The following WWOX variants were observed in gnomAD, a reference collection of about 807,000 sequenced individuals.
WWOX encodes the protein WW domain-containing oxidoreductase.
Under a neutral mutation model 46.2 loss-of-function variants are expected in WWOX, and 69 were observed. That is an observed-to-expected ratio of 1.49 (90% CI 1.23 to 1.82). The LOEUF is 1.82. Ranked by LOEUF, WWOX falls within the 40% of genes most tolerant of loss-of-function variation. The pLI, the probability that WWOX is intolerant of heterozygous loss-of-function variation, is 0.00. For synonymous variants in WWOX, 359 were observed against 202.6 expected (o/e 1.77, Z -6.56); for missense variants, 919 against 542.6 (o/e 1.69, Z -6.89).
intron 8 of WWOX, among the ~76,000 whole-genome samples, chr16:78,742,665 A>T (rs899857780): frequency 1.3e-5 from 2 of 152,144 alleles, no homozygotes; most frequent in African/African-American, 4.8e-5. Context: ...AAAACTGTTT[A>T]TGTCTGCGGA....
intron 8 of WWOX, among the ~76,000 whole-genome samples, chr16:79,116,273 G>C (rs2049514229): frequency 6.6e-6 from 1 of 152,126 alleles, no homozygotes; most frequent in Non-Finnish European, 1.5e-5. Context: ...TTGCTGCATG[G>C]ATTGACTCTT....
intron 8 of WWOX, among the ~76,000 whole-genome samples, chr16:78,651,192 A>G (rs868868364): frequency 1.3e-5 from 2 of 152,256 alleles, no homozygotes; most frequent in Non-Finnish European, 1.5e-5. Context: ...GCACCACTGT[A>G]CAGCATCTTT....
At chr16:78,232,574 G>A (rs1455309249) in intron 5 of WWOX, among the ~76,000 whole-genome samples, 1 of 152,138 alleles carries the variant, frequency 6.6e-6, no homozygotes, top group Non-Finnish European at 1.5e-5. Flanking sequence ...TACAGATTTT[G>A]GGTCAAGATA....
chr16:78,526,334 A>T (rs573101737), intron 8 of WWOX: 2 of 152,306 alleles, frequency 1.3e-5, no homozygotes, highest in African/African-American at 4.8e-5. Flanking sequence ...TCCAAGAGGA[A>T]ATGTGGTGCT....
chr16:78,242,106 C>T (rs756354144), intron 5 of WWOX, among the ~76,000 whole-genome samples: 2 of 152,158 alleles, frequency 1.3e-5, no homozygotes, highest in African/African-American at 2.4e-5. Context: ...TGAAGAATTG[C>T]GACGTCGGCC....
At position 79,207,785 on chromosome 16, in the gene WWOX, G is replaced by C. The variant is rs2051568553; in HGVS notation, c.1057-3823G>C. Among the ~76,000 whole-genome samples the C allele has an allele frequency of 6.3e-5, 6 of 95,678 alleles. No homozygotes were observed. In the South Asian group the frequency reaches 1.6e-3, roughly 26 times the overall value. The allele number at this position is 95,678 out of a possible 152,430, so 62.8% of individuals were successfully genotyped here. ...ATGCATTACAAATATCAATATGTGGGTGCTTTTTTTTTCTTTACCATATAT... is the reference window on the plus strand; with the variant it reads ...ATGCATTACAAATATCAATATGTGGCTGCTTTTTTTTTCTTTACCATATAT... On this transcript the variant is annotated intron_variant, in intron 8 of 8. Transcript: ENST00000566780.
chr16:79,133,458 A>G (rs2150700558), intron 8 of WWOX, among the ~76,000 whole-genome samples: 1 of 152,332 alleles, frequency 6.6e-6, no homozygotes, highest in Non-Finnish European at 1.5e-5. Context: ...CTTACACAGA[A>G]CGAGTACGGT....
rs528104261 is a variant in WWOX, at chr16:78,808,756, G to A, written c.1056+376004G>A. Among the ~76,000 whole-genome samples the A allele has an allele frequency of 1.2e-4, 18 of 152,244 alleles. No individual in the cohort carries two copies. In the South Asian group the frequency reaches 3.7e-3, roughly 32 times the overall value. Reference sequence around the variant, plus strand: ...ACGTCAAAGATGAGTAAATTGAGATGCGTAGGTTCTAATTTGCCCAGTGTC... The same window carrying A: ...ACGTCAAAGATGAGTAAATTGAGATACGTAGGTTCTAATTTGCCCAGTGTC... On this transcript the variant is annotated intron_variant, in intron 8 of 8. Coordinates refer to ENST00000566780, the MANE Select transcript of WWOX (RefSeq NM_016373.4).
chr16:78,709,670 A>C (rs1459618153), intron 8 of WWOX, among the ~76,000 whole-genome samples: 1 of 151,852 alleles, frequency 6.6e-6, no homozygotes, highest in Non-Finnish European at 1.5e-5. Flanking sequence ...TGTGATTCCA[A>C]GTCTGCTGAT....
intron 8 of WWOX, among the ~76,000 whole-genome samples, chr16:78,609,125 G>C (rs887265462): frequency 1.3e-5 from 2 of 152,140 alleles, no homozygotes; most frequent in South Asian, 4.1e-4. Flanking sequence ...AAACATTACA[G>C]AGGGGCAGGG....
chr16:79,145,046 T>G (rs771453464), intron 8 of WWOX, among the ~76,000 whole-genome samples: 29 of 152,200 alleles, frequency 1.9e-4, no homozygotes, highest in Admixed American at 4.6e-4. Context: ...TAAATTTGCC[T>G]GTAAGTGAGC....
At chr16:78,971,709 C>T (rs577403389) in intron 8 of WWOX, among the ~76,000 whole-genome samples, 23 of 151,888 alleles carry the variant, frequency 1.5e-4, no homozygotes, top group African/African-American at 5.1e-4. Flanking sequence ...TCTGATAAAT[C>T]GCCCCCCCAC....
At chr16:78,989,863 A>ATT (rs1275937645) in intron 8 of WWOX, among the ~76,000 whole-genome samples, 1 of 117,730 alleles carries the variant, frequency 8.5e-6, no homozygotes, top group African/African-American at 3.1e-5. Flanking sequence ...TGTGATTGAG[A>ATT]GAGAGAGAGA....
intron 8 of WWOX, among the ~76,000 whole-genome samples, chr16:78,727,969 A>G (rs1015133918): frequency 1.1e-4 from 17 of 151,544 alleles, no homozygotes; most frequent in Non-Finnish European, 2.1e-4. Flanking sequence ...GAAATAGTCA[A>G]ATTCTTTATT....
At chr16:78,914,144 G>C (rs890103539) in intron 8 of WWOX, among the ~76,000 whole-genome samples, 1 of 152,040 alleles carries the variant, frequency 6.6e-6, no homozygotes, top group African/African-American at 2.4e-5. Flanking sequence ...CCTGTCCAAA[G>C]TCACTACTCA....
rs948412910 is a variant in WWOX, at chr16:79,142,245, A to G, written c.1057-69363A>G. 5.9e-5 allele frequency among the ~76,000 whole-genome samples: 9 copies of G among 152,318 alleles called. 1 individual carries two copies. Among genetic ancestry groups the G allele is most frequent in the Admixed American group, 3.9e-4 (6 of 15,298 alleles). On this transcript the variant is annotated intron_variant, in intron 8 of 8. Coordinates refer to ENST00000566780, the MANE Select transcript of WWOX (RefSeq NM_016373.4). ...CTAAGGAAGCACAAATCACAAATACAGAAGATAATTCCTGGTAGTGACGGG... is the reference window on the plus strand; with the variant it reads ...CTAAGGAAGCACAAATCACAAATACGGAAGATAATTCCTGGTAGTGACGGG...
At chr16:78,957,473 C>T (rs1039494129) in intron 8 of WWOX, among the ~76,000 whole-genome samples, 1 of 152,164 alleles carries the variant, frequency 6.6e-6, no homozygotes, top group Non-Finnish European at 1.5e-5. Context: ...ATAGGGATGT[C>T]GCCTGTGTTT....
chr16:79,194,597 C>T (rs904499857), intron 8 of WWOX, among the ~76,000 whole-genome samples: 4 of 152,168 alleles, frequency 2.6e-5, no homozygotes, highest in Non-Finnish European at 5.9e-5. Flanking sequence ...CCTTTTCCCA[C>T]TTCCATCCTT....
intron 8 of WWOX, among the ~76,000 whole-genome samples, chr16:78,442,281 C>T (rs2083462182): frequency 6.6e-6 from 1 of 152,102 alleles, no homozygotes; most frequent in Non-Finnish European, 1.5e-5. Context: ...GTGGCAAGAA[C>T]ATTGAAAGTC....
Sources: allele counts gnomAD v4.1 joint callset (sites outside exome capture counted in the v4.1 genomes callset), GRCh38; gene constraint gnomAD v4.1.1; transcripts MANE v1.5; gene names NCBI Gene and HGNC (gene_info 2026-07-23, HGNC 2026-07-21).